Variants in PHYH observed in about 807,000 individuals in gnomAD.
The protein encoded by PHYH is phytanoyl-CoA 2-hydroxylase.
A neutral mutation model predicts 38.5 loss-of-function variants in PHYH; 32 were observed. That is an observed-to-expected ratio of 0.83 (90% CI 0.63 to 1.12). The LOEUF is 1.12. PHYH is among the 50% of genes most tolerant of loss of function. The probability of loss-of-function intolerance (pLI) is 0.00; values close to 1 mark genes in which losing one functional copy is unlikely to be tolerated. For synonymous variants in PHYH, 166 were observed against 157.9 expected (o/e 1.05, Z -0.38); for missense variants, 426 against 434.8 (o/e 0.98, Z 0.18).
At chr10:13,282,670 C>T (rs35921123) in intron 7 of PHYH, among the ~76,000 whole-genome samples, 1,798 of 151,938 alleles carry the variant, frequency 0.012, 14 homozygotes, top group Non-Finnish European at 0.02. Context: ...GTCGTTGTGC[C>T]TGCACCTCGC....
At chr10:13,286,191 A>G (rs906778930) in intron 6 of PHYH, among the ~76,000 whole-genome samples, 10 of 151,898 alleles carry the variant, frequency 6.6e-5, no homozygotes, top group African/African-American at 1.9e-4. Context: ...TTCACCTTAG[A>G]CCTAACGCGT....
intron 5 of PHYH, among the ~76,000 whole-genome samples, chr10:13,289,938 C>CAA (rs151163708): frequency 1.2e-5 from 1 of 85,972 alleles, no homozygotes; most frequent in Non-Finnish European, 2.3e-5. Context: ...GACTCTGTCT[C>CAA]AAAAAAAAAA....
At chr10:13,285,609 T>TTC (rs970899768) in intron 6 of PHYH, among the ~76,000 whole-genome samples, 1 of 148,832 alleles carries the variant, frequency 6.7e-6, no homozygotes, top group African/African-American at 2.5e-5. Context: ...TTCTTTTCTT[T>TTC]TTTTTTTTTT....
At chr10:13,297,628 AT>A (rs1278073197) in intron 2 of PHYH, among the ~76,000 whole-genome samples, 1 of 151,268 alleles carries the variant, frequency 6.6e-6, no homozygotes, top group Admixed American at 6.6e-5. Flanking sequence ...TAATTTTTGT[AT>A]TTTTTCATTT....
chr10:13,285,026 T>C (rs760980589), intron 6 of PHYH, among the ~76,000 whole-genome samples: 1 of 152,214 alleles, frequency 6.6e-6, no homozygotes, highest in Non-Finnish European at 1.5e-5. Context: ...CTTTGCCTTC[T>C]GTCAGCCAAA....
intron 1 of PHYH, 78 bp downstream of exon 1, chr10:13,299,890 C>A: frequency 2.1e-6 from 3 of 1,457,824 alleles, no homozygotes; most frequent in Non-Finnish European, 9.0e-7. Flanking sequence ...CCGAGGCCTC[C>A]ACCCGGACCA....
At chr10:13,287,212 G>T (rs11258308) in intron 6 of PHYH, among the ~76,000 whole-genome samples, 1 of 151,680 alleles carries the variant, frequency 6.6e-6, no homozygotes, top group Non-Finnish European at 1.5e-5. Context: ...GGTGGTGCGC[G>T]CCTATAATCC....
At chr10:13,295,281 A>G (rs1318120980) in intron 3 of PHYH, 1 of 537,176 alleles carries the variant, frequency 1.9e-6, no homozygotes, top group Non-Finnish European at 3.3e-6. Flanking sequence ...GTAAGCTATG[A>G]TCGCACCACT....
At position 13,285,581 on chromosome 10, in the gene PHYH, A is replaced by G. The variant is rs1477774061; in HGVS notation, c.679-1742T>C. 2.0e-5 allele frequency among the ~76,000 whole-genome samples: 3 copies of G among 149,536 alleles called. No individual in the cohort carries two copies. In the East Asian group the frequency reaches 5.9e-4, roughly 29 times the overall value. On this transcript the variant is annotated intron_variant, in intron 6 of 8. Transcript: ENST00000263038. The stretch of plus-strand genomic sequence containing the variant: ...GGGGGCTCTTTCCATTCGCAGCATC[A>G]TGGGATTCCAGGATCTTTTCTTTTC...
At chr10:13,298,761 A>ACTACTACTACTACTG (rs749502976) in intron 1 of PHYH, among the ~76,000 whole-genome samples, 5 of 100,332 alleles carry the variant, frequency 5.0e-5, no homozygotes, top group Non-Finnish European at 1.1e-4. Context: ...TACTACTACT[A>ACTACTACTACTACTG]CTGCTACTAC....
chr10:13,299,725 C>G, intron 1 of PHYH: 2 of 1,303,706 alleles, frequency 1.5e-6, no homozygotes, highest in Non-Finnish European at 1.9e-6. Flanking sequence ...TCCCGGAGGG[C>G]AGGGCAACGC....
At chr10:13,285,522 T>G (rs1835525524) in intron 6 of PHYH, among the ~76,000 whole-genome samples, 1 of 152,032 alleles carries the variant, frequency 6.6e-6, no homozygotes, top group African/African-American at 2.4e-5. Context: ...TCATTTCCTA[T>G]CGAACTACAA....
In PHYH at chr10:13,278,166, T is replaced by A; in HGVS notation, c.*135A>T. On this transcript the variant is annotated 3_prime_UTR_variant, in exon 9 of 9. Transcript: ENST00000263038. ...GTGCTGCAAAACTAACTCTATGCAA[T>A]TAAGTACCTGATACATGTTTTCTGC... The A allele has an allele frequency of 1.4e-6, 1 of 709,032 alleles. No individual in the cohort carries two copies. The highest frequency in any genetic ancestry group is 2.6e-6 in the Non-Finnish European group (1 of 384,852). The allele number at this position is 709,032 out of a possible 1,614,324, so 43.9% of individuals were successfully genotyped here.
chr10:13,285,674 A>T (rs1022590664), intron 6 of PHYH, among the ~76,000 whole-genome samples: 8 of 146,048 alleles, frequency 5.5e-5, no homozygotes, highest in Non-Finnish European at 1.2e-4. Flanking sequence ...GCGCGATCTC[A>T]GCTCACTGCA....
intron 2 of PHYH, 29 bp downstream of exon 2, chr10:13,298,158 A>G: frequency 7.0e-7 from 1 of 1,436,700 alleles, no homozygotes; most frequent in Non-Finnish European, 9.8e-7. Flanking sequence ...TACATAATAT[A>G]TTTCAAAATC....
Position 13,298,043 on chromosome 10 carries a change from C to T in PHYH, c.134+144G>A. On this transcript the variant is annotated intron_variant, in intron 2 of 8. Coordinates refer to ENST00000263038, the MANE Select transcript of PHYH (RefSeq NM_006214.4). Reference sequence around the variant, plus strand: ...CGGTCTCCAAAATTTTCCACAAGTGCACTAATTAGAATAAGTCCTGGAAAC... The same window carrying T: ...CGGTCTCCAAAATTTTCCACAAGTGTACTAATTAGAATAAGTCCTGGAAAC... 8.3e-6 allele frequency: 5 copies of T among 602,454 alleles called. No individual in the cohort carries two copies. In the South Asian group the frequency reaches 1.0e-4, roughly 12 times the overall value. 37.3% of individuals were successfully genotyped at this position (602,454 alleles called of 1,614,324 possible).
In PHYH at chr10:13,298,155, TA is replaced by T; in HGVS notation, c.134+31del. 7.2e-6 allele frequency: 10 copies of T among 1,384,276 alleles called. No homozygotes were observed. In the South Asian group the frequency reaches 1.2e-4, roughly 16 times the overall value. 85.7% of individuals were successfully genotyped at this position (1,384,276 alleles called of 1,614,324 possible). A position where few individuals can be genotyped will look rare whatever the true frequency, so the allele number is the denominator to read the frequency against. On this transcript the variant is annotated intron_variant, in intron 2 of 8. Coordinates refer to ENST00000263038, the MANE Select transcript of PHYH (RefSeq NM_006214.4). ...ACTCAAGAAACTTTTATATACATAA[TA>T]TATTTCAAAATCAAAACTCAAACTA...
chr10:13,299,138 A>AAC (rs1036890527), intron 1 of PHYH, among the ~76,000 whole-genome samples: 1 of 150,454 alleles, frequency 6.6e-6, no homozygotes, highest in Non-Finnish European at 1.5e-5. Context: ...TCAAAAAAAA[A>AAC]AAAAAACCAA....
Position 13,288,519 on chromosome 10 carries a change from G to C in PHYH, c.519C>G (p.Pro173=). 6.2e-7 allele frequency: 1 copy of C among 1,614,154 alleles called. No individual in the cohort carries two copies. Among genetic ancestry groups the C allele is most frequent in the Non-Finnish European group, 8.5e-7 (1 of 1,180,042 alleles). The change falls in exon 6 of 9, where the codon CCC becomes CCG. Residue 173 remains proline (P), a synonymous_variant. Transcript: ENST00000263038. The part of the protein sequence containing the change: ...PDSGKKTSRH[P]LHQDLHYFPF... ...GGAAATAGTGCAGGTCCTGGTGCAG[G>C]GGGTGACGGGACGTCTTCTTGCCTG...
Sources: allele counts gnomAD v4.1 joint callset (sites outside exome capture counted in the v4.1 genomes callset), GRCh38; gene constraint gnomAD v4.1.1; transcripts MANE v1.5; gene names NCBI Gene and HGNC (gene_info 2026-07-23, HGNC 2026-07-21).